ITSN1: variants seen among roughly 807,000 people sequenced by gnomAD.
ITSN1 encodes intersectin-1.
ITSN1 carries 58 observed loss-of-function variants against 239.8 expected under a neutral mutation model. The observed-to-expected ratio is 0.24, with a 90% CI of 0.20 to 0.30. The LOEUF (loss-of-function observed/expected upper bound fraction) is 0.30. Among genes scored for constraint, ITSN1 ranks in the 10% least tolerant of loss-of-function variants. The pLI, the probability that ITSN1 is intolerant of heterozygous loss-of-function variation, is 1.00. For synonymous variants in ITSN1, 780 were observed against 770.8 expected (o/e 1.01, Z -0.20); for missense variants, 1,558 against 2,103.3 (o/e 0.74, Z 5.07).
chr21:33,792,445 T>C (rs2246299), intron 16 of ITSN1, among the ~76,000 whole-genome samples: 28,831 of 152,180 alleles, frequency 0.19, 3,466 homozygotes, highest in African/African-American at 0.32. Flanking sequence ...TATAGTCTTT[T>C]GCTGTAAATT....
At chr21:33,828,300 G>T (rs1033965030) in intron 26 of ITSN1, among the ~76,000 whole-genome samples, 8 of 152,246 alleles carry the variant, frequency 5.3e-5, no homozygotes, top group African/African-American at 1.9e-4. Flanking sequence ...TCTTTGGTGT[G>T]TTGCAGGAGA....
intron 31 of ITSN1, among the ~76,000 whole-genome samples, chr21:33,859,409 G>A (rs1412387543): frequency 6.6e-6 from 1 of 151,848 alleles, no homozygotes; most frequent in African/African-American, 2.4e-5. Context: ...GAAAGGGTTG[G>A]ATTCGATCAT....
intron 33 of ITSN1, among the ~76,000 whole-genome samples, chr21:33,868,063 G>T (rs1036583580): frequency 6.6e-6 from 1 of 152,200 alleles, no homozygotes; most frequent in Admixed American, 6.5e-5. Flanking sequence ...TGTGGAAAGG[G>T]ACCGAGCCGG....
At chr21:33,855,756 G>A in intron 29 of ITSN1, among the ~76,000 whole-genome samples, 1 of 152,242 alleles carries the variant, frequency 6.6e-6, no homozygotes, top group East Asian at 1.9e-4. Context: ...CCTCCATGAT[G>A]GTCTTGTGCC....
chr21:33,649,742 C>T lies in ITSN1; in HGVS notation c.-33+7029C>T, dbSNP rs536635292. Among the ~76,000 whole-genome samples the T allele has an allele frequency of 1.4e-4, 22 of 152,118 alleles. No homozygotes were observed. In the East Asian group the frequency reaches 2.3e-3, roughly 16 times the overall value. On this transcript the variant is annotated intron_variant, in intron 1 of 39. Transcript: ENST00000381318. The stretch of plus-strand genomic sequence containing the variant: ...GTGAAAATAACAATGTCTGGCCGGG[C>T]GTGGTGGCTCACACCTGTAATCCCA...
intron 1 of ITSN1, among the ~76,000 whole-genome samples, chr21:33,668,784 C>G (rs1350153668): frequency 6.6e-6 from 1 of 152,214 alleles, no homozygotes; most frequent in Non-Finnish European, 1.5e-5. Context: ...AGTGCAAGCT[C>G]AGAGCCTTGC....
chr21:33,722,631 A>T lies in ITSN1; in HGVS notation c.165A>T (p.Gln55His). 3.8e-6 allele frequency: 6 copies of T among 1,582,832 alleles called. No homozygotes were observed. The highest frequency in any genetic ancestry group is 5.1e-6 in the Non-Finnish European group (6 of 1,169,700). The change falls in exon 4 of 40, where the codon CAA becomes CAT. Residue 55 changes from glutamine (Q) to histidine (H), a missense_variant. Gln to His is a conservative substitution (Grantham distance 24, BLOSUM62 0). This residue lies in a region of ITSN1 where 982 missense variants were observed against 1,209.9 expected (regional missense o/e 0.81). Transcript: ENST00000381318. ...RNFFFQSGLP[Q>H]PVLAQIWALA... ...TTTTTTTTCAATCTGGGTTACCTCAACCTGTTTTAGCACAGATATGGTAAG... is the reference window on the plus strand; with the variant it reads ...TTTTTTTTCAATCTGGGTTACCTCATCCTGTTTTAGCACAGATATGGTAAG...
In ITSN1 at chr21:33,741,466, G is replaced by T. The variant is rs150600039; in HGVS notation, c.346+6262G>T. ...TTCCAAATGAGATGTGTGGTAATGTGCTTGATAGTGTGCACGTGAACTGTA... is the reference window on the plus strand; with the variant it reads ...TTCCAAATGAGATGTGTGGTAATGTTCTTGATAGTGTGCACGTGAACTGTA... On this transcript the variant is annotated intron_variant, in intron 5 of 39. Transcript: ENST00000381318. 3.6e-3 allele frequency among the ~76,000 whole-genome samples: 554 copies of T among 152,296 alleles called. 3 individuals carry two copies. The highest frequency in any genetic ancestry group is 0.013 in the African/African-American group (538 of 41,560).
chr21:33,728,596 T>A (rs1210688292), intron 4 of ITSN1, among the ~76,000 whole-genome samples: 1 of 152,150 alleles, frequency 6.6e-6, no homozygotes, highest in Non-Finnish European at 1.5e-5. Context: ...TGTTTCCTCT[T>A]CCTATAATTC....
intron 8 of ITSN1, among the ~76,000 whole-genome samples, 194 bp from the exon 9 acceptor site, chr21:33,761,729 G>T (rs763994611): frequency 6.6e-6 from 1 of 152,118 alleles, no homozygotes; most frequent in East Asian, 1.9e-4. Flanking sequence ...CAGATGCTGT[G>T]CTCTGTGTTT....
chr21:33,756,787 A>G (rs1239367001), intron 8 of ITSN1: 2 of 151,636 alleles, frequency 1.3e-5, no homozygotes, highest in Non-Finnish European at 2.9e-5. Context: ...TTTTTTTGAG[A>G]TGGAGCTTCA....
At chr21:33,887,888 G>A (rs1049110084) in intron 39 of ITSN1, among the ~76,000 whole-genome samples, 2 of 151,860 alleles carry the variant, frequency 1.3e-5, no homozygotes, top group Non-Finnish European at 2.9e-5. Context: ...GATTACAGAC[G>A]CGAGCCACTG....
intron 9 of ITSN1, among the ~76,000 whole-genome samples, chr21:33,764,468 G>A (rs1326504127): frequency 6.6e-6 from 1 of 152,004 alleles, no homozygotes; most frequent in Non-Finnish European, 1.5e-5. Flanking sequence ...TTGCATATGG[G>A]TATCTTGCAA....
At chr21:33,650,008 G>A (rs1298923748) in intron 1 of ITSN1, among the ~76,000 whole-genome samples, 3 of 146,714 alleles carry the variant, frequency 2.0e-5, no homozygotes, top group African/African-American at 5.1e-5. Context: ...CAGCCTTGGC[G>A]ACAGAGCGAG....
chr21:33,675,529 T>C (rs2090540486), intron 1 of ITSN1, among the ~76,000 whole-genome samples: 2 of 152,106 alleles, frequency 1.3e-5, no homozygotes, highest in Non-Finnish European at 2.9e-5. Flanking sequence ...GTTGCGCCAC[T>C]GCACTCCAGC....
chr21:33,852,809 C>T (rs1978573866), intron 29 of ITSN1, among the ~76,000 whole-genome samples: 2 of 152,146 alleles, frequency 1.3e-5, no homozygotes, highest in Admixed American at 6.5e-5. Flanking sequence ...TGTGTTTTCT[C>T]CTCTCGTTTT....
chr21:33,810,574 T>C (rs2072828773), intron 20 of ITSN1, among the ~76,000 whole-genome samples: 1 of 152,208 alleles, frequency 6.6e-6, no homozygotes, highest in South Asian at 2.1e-4. Flanking sequence ...TTATATTGAT[T>C]GCACCCTTTG....
Position 33,650,887 on chromosome 21 carries a change from A to G in ITSN1, c.-33+8174A>G, listed in dbSNP as rs186894332. Among the ~76,000 whole-genome samples the G allele has an allele frequency of 3.8e-4, 58 of 152,382 alleles. No homozygotes were observed. In the East Asian group the frequency reaches 0.011, roughly 29 times the overall value. On this transcript the variant is annotated intron_variant, in intron 1 of 39. Coordinates refer to ENST00000381318, the MANE Select transcript of ITSN1 (RefSeq NM_003024.3). ...CATTAAATGAGAATAGATCTGTATT[A>G]TAGGTAGCACTGCTTATTTTTAGAC...
chr21:33,672,869 G>A (rs555222881), intron 1 of ITSN1, among the ~76,000 whole-genome samples: 13 of 152,214 alleles, frequency 8.5e-5, no homozygotes, highest in African/African-American at 1.2e-4. Flanking sequence ...GTGCCACCAC[G>A]CCCTGCTAAT....
Sources: gnomAD v4.1 joint callset for allele counts (sites outside exome capture counted in the v4.1 genomes callset) on GRCh38, gnomAD v4.1.1 for gene constraint, gnomAD v4.1.1 regional missense constraint, MANE v1.5 for transcripts, NCBI Gene and HGNC (gene_info 2026-07-23, HGNC 2026-07-21) for gene names.